BAZ2B: variants seen among roughly 807,000 people sequenced by gnomAD.
BAZ2B encodes the protein bromodomain adjacent to zinc finger domain 2B.
In BAZ2B, 91 loss-of-function variants were observed where a neutral mutation model predicts 246.0. The ratio of observed to expected loss-of-function variants is 0.37; its 90% confidence interval spans 0.31 to 0.44. The LOEUF (loss-of-function observed/expected upper bound fraction) is 0.44. BAZ2B is among the 20% of genes least tolerant of loss of function. The pLI, the probability that BAZ2B is intolerant of heterozygous loss-of-function variation, is 1.00. For missense variants in BAZ2B, 2,332 were observed against 2,533.7 expected (o/e 0.92, Z 1.71); for synonymous variants, 855 against 860.0 (o/e 0.99, Z 0.10).
intron 3 of BAZ2B, among the ~76,000 whole-genome samples, chr2:159,466,512 C>T (rs2077068623): frequency 6.6e-6 from 1 of 152,088 alleles, no homozygotes; most frequent in Admixed American, 6.5e-5. Context: ...CACCAAATGT[C>T]CAATTCTAAA....
At chr2:159,502,529 G>A (rs1375839738) in intron 2 of BAZ2B, among the ~76,000 whole-genome samples, 3 of 151,836 alleles carry the variant, frequency 2.0e-5, no homozygotes, top group Admixed American at 2.0e-4. Flanking sequence ...AGATTCTTGG[G>A]AGGCTGAGAC....
At chr2:159,345,622 T>C (rs185727173) in intron 31 of BAZ2B, among the ~76,000 whole-genome samples, 1 of 152,300 alleles carries the variant, frequency 6.6e-6, no homozygotes. Flanking sequence ...ACTTTACACA[T>C]ATTTTTTAAA....
chr2:159,345,116 C>G (rs1192492506), intron 31 of BAZ2B, among the ~76,000 whole-genome samples: 1 of 151,490 alleles, frequency 6.6e-6, no homozygotes, highest in Admixed American at 6.6e-5. Context: ...AAGGCTGAGG[C>G]AGGAGAATCG....
chr2:159,503,496 A>G (rs189178474), intron 2 of BAZ2B, among the ~76,000 whole-genome samples: 1 of 152,274 alleles, frequency 6.6e-6, no homozygotes, highest in Non-Finnish European at 1.5e-5. Flanking sequence ...TTTCCTGTTA[A>G]TCTTGTGTAT....
chr2:159,565,794 G>GAAAAAAAAAAAA (rs1313524446), intron 1 of BAZ2B, among the ~76,000 whole-genome samples: 1 of 116,560 alleles, frequency 8.6e-6, no homozygotes. Context: ...AAAAAAAAAG[G>GAAAAAAAAAAAA]AAAAAAAAAA....
At chr2:159,590,069 C>A (rs947427345) in intron 1 of BAZ2B, among the ~76,000 whole-genome samples, 11 of 151,344 alleles carry the variant, frequency 7.3e-5, no homozygotes, top group African/African-American at 2.7e-4. Flanking sequence ...CGCCTGTAAT[C>A]CCAGCAACTT....
intron 31 of BAZ2B, among the ~76,000 whole-genome samples, chr2:159,345,565 C>A (rs1439664764): frequency 6.6e-6 from 1 of 152,122 alleles, no homozygotes; most frequent in Non-Finnish European, 1.5e-5. Context: ...GTCAAAGGAC[C>A]AAAATCTGAG....
the BAZ2B span, among the ~76,000 whole-genome samples, chr2:159,697,793 C>T: frequency 6.6e-6 from 1 of 151,952 alleles, no homozygotes; most frequent in African/African-American, 2.4e-5. Context: ...TTAATAAAGA[C>T]ATTTCTTTAA....
the BAZ2B span, among the ~76,000 whole-genome samples, chr2:159,680,882 T>A: frequency 2.0e-5 from 3 of 152,146 alleles, no homozygotes; most frequent in Non-Finnish European, 4.4e-5. Flanking sequence ...AAATATAGCC[T>A]CATGATCATG....
chr2:159,316,878 G>GTACAAAC (rs1294279777), downstream of BAZ2B, among the ~76,000 whole-genome samples: 1 of 151,824 alleles, frequency 6.6e-6, no homozygotes, highest in Non-Finnish European at 1.5e-5. Flanking sequence ...GCACGTGCTT[G>GTACAAAC]TAGTCCCAAC....
the BAZ2B span, among the ~76,000 whole-genome samples, chr2:159,707,641 C>A: frequency 2.6e-5 from 4 of 152,074 alleles, no homozygotes; most frequent in Admixed American, 6.6e-5. Context: ...GCCTGAATAA[C>A]ATGATAAAAC....
At chr2:159,469,977 T>A (rs1030884184) in intron 3 of BAZ2B, among the ~76,000 whole-genome samples, 2 of 152,132 alleles carry the variant, frequency 1.3e-5, no homozygotes, top group Admixed American at 1.3e-4. Flanking sequence ...CCAATAACCC[T>A]CATGAATACA....
Position 159,324,941 on chromosome 2 carries a change from C to A in BAZ2B, c.6223G>T (p.Glu2075Ter). ...DLALCSMILTEMETHEDAWPF... is the reference protein window; with the variant it reads ...DLALCSMILT Reference sequence around the variant, plus strand: ...CATGCATCCTCATGAGTTTCCATTTCAGTCAGAATCATACTAAAGAAAATA... The same window carrying A: ...CATGCATCCTCATGAGTTTCCATTTAAGTCAGAATCATACTAAAGAAAATA... Residue 2075 changes from glutamate to a stop codon, truncating the protein, a stop_gained, in exon 36 of 37, where the codon GAA (glutamate) becomes TAA (stop). Transcript: ENST00000392783. LOFTEE classifies it high-confidence loss of function. 1 of 1,539,268 alleles carries A rather than the reference C, an allele frequency of 6.5e-7. No individual in the cohort carries two copies.
chr2:159,513,448 A>T (rs1297499271), intron 2 of BAZ2B, among the ~76,000 whole-genome samples: 1 of 152,114 alleles, frequency 6.6e-6, no homozygotes, highest in Non-Finnish European at 1.5e-5. Context: ...GCCTTCTCAC[A>T]TCTCCACTTG....
At chr2:159,397,544 C>G (rs2149696672) in intron 18 of BAZ2B, among the ~76,000 whole-genome samples, 155 bp from the exon 19 acceptor site, 1 of 152,168 alleles carries the variant, frequency 6.6e-6, no homozygotes, top group South Asian at 2.1e-4. Context: ...TATAAAATGT[C>G]AATTCGATTT....
rs777709361 is a variant in BAZ2B, at chr2:159,349,196, A to G, written c.4948T>C (p.Ser1650Pro). Residue 1650 changes from serine (S) to proline (P), a missense_variant, in exon 29 of 37, where the codon TCT (serine) becomes CCT (proline). By Grantham distance (74) the Ser-to-Pro change is moderately conservative. Around this residue, in one of 9 missense-constraint regions of BAZ2B, gnomAD observed 676 missense variants for 668.6 expected, o/e 1.01. Transcript: ENST00000392783. ...VVTSNIPFTS[S>P]VPSLGSGLGL... Reference sequence around the variant, plus strand: ...AACCCCGATCCTAGACTAGGTACAGATGATGTAAATGGAATATTAGAAGTA... The same window carrying G: ...AACCCCGATCCTAGACTAGGTACAGGTGATGTAAATGGAATATTAGAAGTA... 6.2e-7 allele frequency: 1 copy of G among 1,614,100 alleles called. No individual in the cohort carries two copies. Among genetic ancestry groups the G allele is most frequent in the Non-Finnish European group, 8.5e-7 (1 of 1,179,954 alleles).
chr2:159,602,857 C>G (rs1226460939), intron 1 of BAZ2B, among the ~76,000 whole-genome samples: 6 of 152,178 alleles, frequency 3.9e-5, no homozygotes, highest in African/African-American at 1.4e-4. Flanking sequence ...TAAAGTGAGG[C>G]TAGGCATTGT....
intron 8 of BAZ2B, 42 bp downstream of exon 8, chr2:159,438,261 T>C: frequency 6.5e-6 from 10 of 1,534,344 alleles, no homozygotes; most frequent in Non-Finnish European, 8.9e-6. Context: ...GCTCTATCTT[T>C]CTCTAATAGT....
chr2:159,656,396 T>C, the BAZ2B span, among the ~76,000 whole-genome samples: 3 of 152,168 alleles, frequency 2.0e-5, no homozygotes, highest in Non-Finnish European at 4.4e-5. Flanking sequence ...GCATGAGTTC[T>C]GACAGATGTA....
Sources: gnomAD v4.1 joint callset for allele counts (sites outside exome capture counted in the v4.1 genomes callset) on GRCh38, gnomAD v4.1.1 for gene constraint, gnomAD v4.1.1 regional missense constraint, MANE v1.5 for transcripts, NCBI Gene and HGNC (gene_info 2026-07-23, HGNC 2026-07-21) for gene names.